Variants in RAD51B observed in about 807,000 individuals in gnomAD.
RAD51B encodes RAD51 paralog B.
Under a neutral mutation model 42.2 loss-of-function variants are expected in RAD51B, and 38 were observed. The observed-to-expected ratio is 0.90, with a 90% CI of 0.70 to 1.18. RAD51B has a LOEUF of 1.18. Ranked by LOEUF, RAD51B falls within the 50% of genes most tolerant of loss-of-function variation. The pLI is 0.00. For missense variants in RAD51B, 373 were observed against 400.7 expected, an observed-to-expected ratio of 0.93 and a Z score of 0.59; for synonymous variants, 154 against 145.2, an observed-to-expected ratio of 1.06 and a Z score of -0.43.
chr14:68,036,912 A>G (rs1048381957), intron 7 of RAD51B, among the ~76,000 whole-genome samples: 3 of 151,766 alleles, frequency 2.0e-5, no homozygotes, highest in African/African-American at 7.3e-5. Flanking sequence ...TTTTATTTCA[A>G]TATTTATCAC....
chr14:68,173,731 T>A (rs1378477933), intron 7 of RAD51B, among the ~76,000 whole-genome samples: 2 of 152,218 alleles, frequency 1.3e-5, no homozygotes, highest in East Asian at 3.8e-4. Context: ...TGTTCCTGGC[T>A]TCTTTCCTTG....
At chr14:68,138,390 A>G (rs1292904564) in intron 7 of RAD51B, among the ~76,000 whole-genome samples, 1 of 152,220 alleles carries the variant, frequency 6.6e-6, no homozygotes, top group African/African-American at 2.4e-5. Flanking sequence ...TTTAACAGCA[A>G]AGGCTCCTAG....
chr14:68,662,445 C>A (rs1181882677), intron 11 of RAD51B, among the ~76,000 whole-genome samples: 1 of 152,250 alleles, frequency 6.6e-6, no homozygotes, highest in Non-Finnish European at 1.5e-5. Flanking sequence ...TCTTCCTAGT[C>A]TCTAATAGAA....
At chr14:68,260,064 G>A (rs575344467) in intron 7 of RAD51B, among the ~76,000 whole-genome samples, 9 of 152,030 alleles carry the variant, frequency 5.9e-5, no homozygotes, top group Non-Finnish European at 1.2e-4. Flanking sequence ...ACTAAGGAAA[G>A]TGATAATGGG....
chr14:68,032,857 C>T (rs2076068449), intron 7 of RAD51B, among the ~76,000 whole-genome samples: 1 of 152,012 alleles, frequency 6.6e-6, no homozygotes, highest in Admixed American at 6.5e-5. Flanking sequence ...TTACCCTGTG[C>T]ATGCCCTAGC....
intron 7 of RAD51B, among the ~76,000 whole-genome samples, chr14:68,090,494 G>A (rs1252543301): frequency 6.6e-6 from 1 of 152,016 alleles, no homozygotes; most frequent in Admixed American, 6.6e-5. Context: ...GGTTTGTAGA[G>A]AATATTCAGT....
Position 67,926,666 on chromosome 14 carries a change from C to T in RAD51B, c.756+39462C>T, listed in dbSNP as rs527673042. Among the ~76,000 whole-genome samples the T allele has an allele frequency of 3.7e-4, 53 of 144,664 alleles. No homozygotes were observed. In the South Asian group the frequency reaches 8.8e-3, roughly 24 times the overall value. The allele number at this position is 144,664 out of a possible 152,430, so 94.9% of individuals were successfully genotyped here. The stretch of plus-strand genomic sequence containing the variant: ...GCAGCCTCCGCCTCCTGGGTTCAAG[C>T]GATTCTCCTGCCTCAGCCTCCCAAG... On this transcript the variant is annotated intron_variant, in intron 7 of 10. Transcript: ENST00000471583.
At chr14:68,298,309 G>C (rs1008686901) in intron 8 of RAD51B, among the ~76,000 whole-genome samples, 9 of 152,200 alleles carry the variant, frequency 5.9e-5, no homozygotes, top group Non-Finnish European at 1.2e-4. Context: ...AGGGGGCAAT[G>C]TAACCTCAGC....
intron 7 of RAD51B, among the ~76,000 whole-genome samples, chr14:68,013,048 AG>A (rs1373125210): frequency 6.6e-6 from 1 of 152,188 alleles, no homozygotes. Context: ...GAATTCGGAC[AG>A]GGCACAGCAG....
intron 8 of RAD51B, among the ~76,000 whole-genome samples, chr14:68,317,064 A>G (rs993441698): frequency 6.6e-6 from 1 of 152,194 alleles, no homozygotes; most frequent in African/African-American, 2.4e-5. Context: ...CCAGGAAACT[A>G]TTTGAGACAA....
intron 7 of RAD51B, among the ~76,000 whole-genome samples, chr14:68,245,227 T>A (rs530822748): frequency 6.6e-6 from 1 of 152,340 alleles, no homozygotes; most frequent in South Asian, 2.1e-4. Flanking sequence ...GTGGCTCTTA[T>A]TGGAAAACTT....
chr14:68,068,246 G>T (rs1433232513), intron 7 of RAD51B, among the ~76,000 whole-genome samples: 5 of 152,074 alleles, frequency 3.3e-5, no homozygotes, highest in South Asian at 2.1e-4. Context: ...ACTTTAAAAA[G>T]AACTCTGTAC....
rs766053484 is a variant in RAD51B, at chr14:68,306,396, A to G, written c.853+14416A>G. Among the ~76,000 whole-genome samples, 25 of 152,174 alleles carry G rather than the reference A, an allele frequency of 1.6e-4. 1 individual carries two copies. The highest frequency in any genetic ancestry group is 3.1e-4 in the Non-Finnish European group (21 of 68,030). ...CCCATGCCTCTGGTGAAATTCACAA[A>G]TGAAACTTCACCTAGCTGGGTTTCA... On this transcript the variant is annotated intron_variant, in intron 8 of 10. Coordinates refer to ENST00000471583, the MANE Select transcript of RAD51B (RefSeq NM_133510.4).
chr14:68,163,310 G>A (rs758130885), intron 7 of RAD51B, among the ~76,000 whole-genome samples: 2 of 152,208 alleles, frequency 1.3e-5, no homozygotes, highest in Non-Finnish European at 2.9e-5. Flanking sequence ...ATGACTGTAT[G>A]CAGCATGGAA....
intron 10 of RAD51B, 93 bp downstream of exon 10, chr14:68,468,343 G>C (rs753423311): frequency 7.5e-7 from 1 of 1,333,738 alleles, no homozygotes; most frequent in East Asian, 2.3e-5. Flanking sequence ...ATAGAAGCTA[G>C]CTCCAGACAG....
At chr14:68,077,408 C>T (rs2140481843) in intron 7 of RAD51B, among the ~76,000 whole-genome samples, 1 of 152,252 alleles carries the variant, frequency 6.6e-6, no homozygotes, top group South Asian at 2.1e-4. Context: ...ATAAATCATC[C>T]TGCTTAGGTT....
downstream of RAD51B, among the ~76,000 whole-genome samples, chr14:68,478,897 C>G (rs911744831): frequency 6.6e-6 from 1 of 152,200 alleles, no homozygotes. Flanking sequence ...AAACAAAGCT[C>G]AGTGTGTGCC....
chr14:68,045,191 G>A (rs1270237853), intron 7 of RAD51B, among the ~76,000 whole-genome samples: 9 of 133,580 alleles, frequency 6.7e-5, no homozygotes, highest in African/African-American at 2.3e-4. Flanking sequence ...AGCCAAGATC[G>A]CGCCATTGCA....
At chr14:68,520,083 C>T (rs1886464454) in intron 10 of RAD51B, among the ~76,000 whole-genome samples, 1 of 151,290 alleles carries the variant, frequency 6.6e-6, no homozygotes, top group South Asian at 2.1e-4. Flanking sequence ...GGGTTTGGAC[C>T]CCAATTTTTA....
Sources: gnomAD v4.1 joint callset for allele counts (sites outside exome capture counted in the v4.1 genomes callset) on GRCh38, gnomAD v4.1.1 for gene constraint, MANE v1.5 for transcripts, NCBI Gene and HGNC (gene_info 2026-07-23, HGNC 2026-07-21) for gene names.